The following PRMT3 variants were observed in gnomAD, a reference collection of about 807,000 sequenced individuals.
PRMT3 encodes protein arginine methyltransferase 3, also known as protein arginine N-methyltransferase 3.
Under a neutral mutation model 71.9 loss-of-function variants are expected in PRMT3, and 62 were observed. That is an observed-to-expected ratio of 0.86 (90% confidence interval 0.70 to 1.07). PRMT3 has a LOEUF of 1.07. Ranked by LOEUF, PRMT3 falls within the 50% of genes least tolerant of loss-of-function variation. The pLI is 0.00. For missense variants in PRMT3, 663 were observed against 643.0 expected (o/e 1.03, Z -0.34); for synonymous variants, 213 against 220.4 (o/e 0.97, Z 0.30).
In PRMT3 at chr11:20,396,793, G is replaced by C. The variant is rs142016199; in HGVS notation, c.561-784G>C. Among the ~76,000 whole-genome samples, 1,072 of 152,260 alleles carry C rather than the reference G, an allele frequency of 7.0e-3. 16 individuals carry two copies. The highest frequency in any genetic ancestry group is 0.024 in the African/African-American group (1,017 of 41,546). On this transcript the variant is annotated intron_variant, in intron 6 of 15. Coordinates refer to ENST00000331079, the MANE Select transcript of PRMT3 (RefSeq NM_005788.4). ...ATGTGCATAGGAATCAACTGGGATC[G>C]TGTTAAAATATAAATTCTGATTCAG...
intron 10 of PRMT3, among the ~76,000 whole-genome samples, chr11:20,431,714 A>T (rs1409128625): frequency 2.6e-5 from 4 of 152,088 alleles, no homozygotes; most frequent in Non-Finnish European, 4.4e-5. Context: ...AAGCTGATGG[A>T]TGTGAGTTAT....
rs562911184 is a variant in PRMT3, at chr11:20,426,877, T to C, written c.993+12T>C. ...TATCTGAGTGGATGGTGAGTGTTTA[T>C]AGAAAAAACTACTTTCACTGGTAAA... On this transcript the variant is annotated intron_variant, in intron 10 of 15. Coordinates refer to ENST00000331079, the MANE Select transcript of PRMT3 (RefSeq NM_005788.4). 3 of 1,517,084 alleles carry C rather than the reference T, an allele frequency of 2.0e-6. No homozygotes were observed. The highest frequency in any genetic ancestry group is 1.5e-5 in the African/African-American group (1 of 68,692). The allele number at this position is 1,517,084 out of a possible 1,614,324, so 94.0% of individuals were successfully genotyped here.
At chr11:20,463,150 C>T (rs541102276) in intron 12 of PRMT3, among the ~76,000 whole-genome samples, 24 of 152,324 alleles carry the variant, frequency 1.6e-4, no homozygotes, top group African/African-American at 5.5e-4. Flanking sequence ...GTTTTAATCA[C>T]GCTGTTACTT....
intron 10 of PRMT3, among the ~76,000 whole-genome samples, chr11:20,450,108 A>C (rs775769403): frequency 7.2e-5 from 11 of 152,150 alleles, no homozygotes; most frequent in Non-Finnish European, 1.5e-4. Flanking sequence ...CTAGAAAACA[A>C]TTTGACAATG....
intron 3 of PRMT3, among the ~76,000 whole-genome samples, chr11:20,391,686 G>A (rs1235392116): frequency 2.0e-5 from 3 of 151,988 alleles, no homozygotes; most frequent in African/African-American, 7.2e-5. Flanking sequence ...ACAAATAATT[G>A]GTTGGTTGGA....
chr11:20,481,721 T>C (rs1234903908), intron 13 of PRMT3, among the ~76,000 whole-genome samples: 1 of 152,166 alleles, frequency 6.6e-6, no homozygotes, highest in Non-Finnish European at 1.5e-5. Context: ...CTAGTTCTAA[T>C]ATTTTCCATA....
At chr11:20,422,113 C>G (rs1188886577) in intron 9 of PRMT3, among the ~76,000 whole-genome samples, 3 of 152,156 alleles carry the variant, frequency 2.0e-5, no homozygotes, top group African/African-American at 7.2e-5. Context: ...AGAATCTCTT[C>G]ACAGCCACTT....
At chr11:20,441,200 T>G (rs1486116348) in intron 10 of PRMT3, among the ~76,000 whole-genome samples, 1 of 151,800 alleles carries the variant, frequency 6.6e-6, no homozygotes, top group African/African-American at 2.4e-5. Flanking sequence ...ATCCTGGTCT[T>G]TCATTGGAAA....
chr11:20,465,513 G>A (rs118108560), intron 13 of PRMT3, among the ~76,000 whole-genome samples: 34 of 151,952 alleles, frequency 2.2e-4, no homozygotes, highest in East Asian at 7.7e-4. Context: ...GGTTCAGATC[G>A]ATATATTATA....
chr11:20,397,803 AG>A, intron 7 of PRMT3, 82 bp downstream of exon 7: 3 of 1,422,778 alleles, frequency 2.1e-6, no homozygotes, highest in Non-Finnish European at 1.9e-6. Flanking sequence ...TGTGCACTAT[AG>A]GAGACCTCTT....
At chr11:20,456,094 A>G (rs1236991513) in intron 11 of PRMT3, among the ~76,000 whole-genome samples, 1 of 152,194 alleles carries the variant, frequency 6.6e-6, no homozygotes, top group Non-Finnish European at 1.5e-5. Flanking sequence ...GCAAAGTCAC[A>G]AGAGAAACTA....
intron 13 of PRMT3, among the ~76,000 whole-genome samples, chr11:20,493,131 CA>C (rs34491523): frequency 2.1e-4 from 30 of 146,306 alleles, no homozygotes; most frequent in Admixed American, 4.1e-4. Flanking sequence ...GACTCCATGT[CA>C]AAAAAAAAAA....
At chr11:20,488,862 C>T (rs560143788) in intron 13 of PRMT3, among the ~76,000 whole-genome samples, 44 of 152,228 alleles carry the variant, frequency 2.9e-4, no homozygotes, top group Non-Finnish European at 5.3e-4. Flanking sequence ...TACCTTTATA[C>T]ATATAAACAA....
chr11:20,463,107 G>A (rs1037934257), intron 12 of PRMT3, among the ~76,000 whole-genome samples: 1 of 152,158 alleles, frequency 6.6e-6, no homozygotes, highest in Non-Finnish European at 1.5e-5. Context: ...CTCATGATCC[G>A]CCTGCCTCGG....
At chr11:20,433,871 C>T (rs1433715225) in intron 10 of PRMT3, among the ~76,000 whole-genome samples, 2 of 152,128 alleles carry the variant, frequency 1.3e-5, no homozygotes, top group Non-Finnish European at 2.9e-5. Context: ...CTGCCCACCT[C>T]GGCTTCCCAA....
At chr11:20,500,032 T>C (rs1397220491) in intron 15 of PRMT3, among the ~76,000 whole-genome samples, 1 of 152,162 alleles carries the variant, frequency 6.6e-6, no homozygotes, top group East Asian at 1.9e-4. Flanking sequence ...TTATGTTTTC[T>C]TCCAATATCC....
At position 20,392,263 on chromosome 11, in the gene PRMT3, A is replaced by T. The variant is rs2133296330; in HGVS notation, c.297+3A>T. 6.4e-7 allele frequency: 1 copy of T among 1,560,738 alleles called. No homozygotes were observed. Among genetic ancestry groups the T allele is most frequent in the East Asian group, 2.3e-5 (1 of 43,698 alleles). ...TAATAAATTTTATTAGACTTAAGGT[A>T]AGTTGACAGCTTAATTTATAATTTC... On this transcript the variant is annotated splice_donor_region_variant and intron_variant, in intron 4 of 15. Transcript: ENST00000331079.
At chr11:20,482,179 T>A (rs1444516759) in intron 13 of PRMT3, among the ~76,000 whole-genome samples, 1 of 146,590 alleles carries the variant, frequency 6.8e-6, no homozygotes, top group African/African-American at 2.7e-5. Context: ...AAAATAATGC[T>A]TCTGAATTTC....
At chr11:20,421,397 G>A (rs1849421668) in intron 9 of PRMT3, among the ~76,000 whole-genome samples, 1 of 152,092 alleles carries the variant, frequency 6.6e-6, no homozygotes, top group Non-Finnish European at 1.5e-5. Flanking sequence ...CACTTTAAAT[G>A]GAAAATTCAC....
Sources: allele counts gnomAD v4.1 joint callset (sites outside exome capture counted in the v4.1 genomes callset), GRCh38; gene constraint gnomAD v4.1.1; transcripts MANE v1.5; gene names NCBI Gene and HGNC (gene_info 2026-07-23, HGNC 2026-07-21).